Variants in PKHD1 observed in about 807,000 individuals in gnomAD.
The protein encoded by PKHD1 is PKHD1 ciliary IPT domain containing fibrocystin/polyductin.
Under a neutral mutation model 412.0 loss-of-function variants are expected in PKHD1, and 291 were observed. The ratio of observed to expected loss-of-function variants is 0.71; its 90% CI spans 0.64 to 0.78. The LOEUF (loss-of-function observed/expected upper bound fraction) is 0.78, where lower values mean the gene tolerates loss of function less well. PKHD1 is among the 30% of genes least tolerant of loss of function. The pLI is 0.00. For synonymous variants in PKHD1, 1,777 were observed against 1,821.5 expected (o/e 0.98, Z 0.62); for missense variants, 4,825 against 4,950.7 (o/e 0.97, Z 0.76).
At chr6:51,891,382 C>T (rs920747200) in intron 43 of PKHD1, among the ~76,000 whole-genome samples, 1 of 152,054 alleles carries the variant, frequency 6.6e-6, no homozygotes, top group Non-Finnish European at 1.5e-5. Flanking sequence ...CGGATTCAAG[C>T]GATTCTCCTG....
intron 60 of PKHD1, among the ~76,000 whole-genome samples, chr6:51,709,835 T>C (rs1044476214): frequency 6.8e-6 from 1 of 146,402 alleles, no homozygotes; most frequent in African/African-American, 2.6e-5. Context: ...GTACCTGACA[T>C]CTATGCTTTA....
intron 28 of PKHD1, among the ~76,000 whole-genome samples, chr6:52,034,984 G>A (rs1163598072): frequency 6.6e-6 from 1 of 152,106 alleles, no homozygotes; most frequent in Non-Finnish European, 1.5e-5. Context: ...AAAGTTCAGT[G>A]GCAGCAGTGC....
At chr6:51,832,161 G>C (rs141777220) in intron 51 of PKHD1, among the ~76,000 whole-genome samples, 2 of 152,064 alleles carry the variant, frequency 1.3e-5, no homozygotes, top group Admixed American at 1.3e-4. Context: ...TCAGTATTAG[G>C]AGGATAAAAA....
In PKHD1 at chr6:52,025,271, A is replaced by G. The variant is rs2128143441; in HGVS notation, c.4539T>C (p.Ala1513=). The G allele has an allele frequency of 1.2e-6, 2 of 1,614,078 alleles. No individual in the cohort carries two copies. Among genetic ancestry groups the G allele is most frequent in the South Asian group, 2.2e-5 (2 of 91,082 alleles). The stretch of plus-strand genomic sequence containing the variant: ...CATCCACAAATACCATCGGCTCATC[A>G]GCTGTGGTGGCTAACCTCTGACCCC... ...LIRGQRLATT[A]DEPMVFVDDQ... Residue 1513 remains alanine, a synonymous_variant, in exon 32 of 67, where the codon GCT becomes GCC. Transcript: ENST00000371117.
intron 43 of PKHD1, among the ~76,000 whole-genome samples, chr6:51,899,366 G>C (rs184426872): frequency 1.4e-4 from 21 of 151,644 alleles, no homozygotes; most frequent in African/African-American, 4.6e-4. Flanking sequence ...TTCAATATAC[G>C]CAAATCAATA....
intron 60 of PKHD1, among the ~76,000 whole-genome samples, chr6:51,714,065 C>T (rs766658296): frequency 4.7e-4 from 72 of 151,958 alleles, no homozygotes; most frequent in Admixed American, 1.5e-3. Context: ...ATGAAGAATT[C>T]ATAACACATT....
rs564875588 is a variant in PKHD1 at position 51,733,607 on chromosome 6, C to T, written c.10156+10778G>A. Among the ~76,000 whole-genome samples, 16 of 151,508 alleles carry T rather than the reference C, an allele frequency of 1.1e-4. No individual in the cohort carries two copies. In the South Asian group the frequency reaches 2.5e-3, roughly 24 times the overall value. On this transcript the variant is annotated intron_variant, in intron 60 of 66. Coordinates refer to ENST00000371117, the MANE Select transcript of PKHD1 (RefSeq NM_138694.4). ...ATTTTACCACAATAAAAACATAAGC[C>T]AGTCTAAAAAGTGAAGAACTAAAAA... is the stretch of plus-strand genomic sequence containing the variant.
intron 52 of PKHD1, among the ~76,000 whole-genome samples, chr6:51,817,088 G>A (rs531812381): frequency 6.6e-6 from 1 of 152,236 alleles, no homozygotes; most frequent in African/African-American, 2.4e-5. Context: ...GATAGCCTTG[G>A]CCCCAGAAGT....
chr6:51,763,341 A>G (rs1318095802), intron 55 of PKHD1, among the ~76,000 whole-genome samples: 4 of 152,112 alleles, frequency 2.6e-5, no homozygotes, highest in Admixed American at 1.3e-4. Context: ...AACCAAATAA[A>G]TGGTAGCTAG....
chr6:51,763,552 T>C (rs529444559), intron 55 of PKHD1, among the ~76,000 whole-genome samples: 1 of 152,252 alleles, frequency 6.6e-6, no homozygotes, highest in East Asian at 1.9e-4. Flanking sequence ...ACTTCACAAA[T>C]CCTTTTGAAT....
chr6:51,746,468 TG>T (rs1211756862), intron 59 of PKHD1, among the ~76,000 whole-genome samples: 1 of 152,158 alleles, frequency 6.6e-6, no homozygotes, highest in Non-Finnish European at 1.5e-5. Flanking sequence ...GAAAATCACA[TG>T]GCTGAGTCCA....
intron 60 of PKHD1, among the ~76,000 whole-genome samples, chr6:51,671,764 A>G (rs1775027564): frequency 6.6e-6 from 1 of 151,860 alleles, no homozygotes; most frequent in Non-Finnish European, 1.5e-5. Context: ...TTTCCTTCTA[A>G]CAGACAGGAC....
intron 60 of PKHD1, among the ~76,000 whole-genome samples, chr6:51,744,132 T>G (rs1363472042): frequency 6.6e-6 from 1 of 152,234 alleles, no homozygotes. Context: ...GTGCACTAAG[T>G]TGGGCATTGA....
At chr6:51,911,451 G>T (rs1782927029) in intron 39 of PKHD1, among the ~76,000 whole-genome samples, 1 of 152,222 alleles carries the variant, frequency 6.6e-6, no homozygotes, top group African/African-American at 2.4e-5. Context: ...TCTGGCATAT[G>T]GCTTTCCTGA....
intron 42 of PKHD1, 125 bp from the exon 43 acceptor site, chr6:51,903,852 T>C (rs1161939818): frequency 2.4e-6 from 1 of 417,722 alleles, no homozygotes; most frequent in Non-Finnish European, 4.1e-6. Flanking sequence ...TATATATATA[T>C]ATATATATTT....
chr6:51,748,557 A>G lies in PKHD1; in HGVS notation c.9059T>C (p.Leu3020Pro), dbSNP rs757148837. The change falls in exon 58 of 67, where the codon CTG becomes CCG. Residue 3020 changes from leucine (L) to proline (P), a missense_variant. Physicochemically the swap from Leu to Pro is moderately conservative, Grantham distance 98 (BLOSUM62 -3). Coordinates refer to ENST00000371117, the MANE Select transcript of PKHD1 (RefSeq NM_138694.4). ...AATGCCCCCGCCACAGCTCTGGTGC[A>G]GAGTAGATGATATGATCCAGGATCC... is the stretch of plus-strand genomic sequence containing the variant. Reference protein sequence around the residue: ...SAGSWIISSTLHQSCGGGIHA... With the variant: ...SAGSWIISSTPHQSCGGGIHA... 6 of 1,613,560 alleles carry G rather than the reference A, an allele frequency of 3.7e-6. No homozygotes were observed. In the East Asian group the frequency reaches 1.3e-4, roughly 36 times the overall value.
intron 35 of PKHD1, among the ~76,000 whole-genome samples, chr6:51,988,089 A>T (rs755274324): frequency 6.6e-6 from 1 of 152,166 alleles, no homozygotes; most frequent in Non-Finnish European, 1.5e-5. Context: ...TTAAACTAAA[A>T]CAAGGAAAAG....
chr6:51,731,143 C>T (rs145270289), intron 60 of PKHD1, among the ~76,000 whole-genome samples: 124 of 152,180 alleles, frequency 8.1e-4, no homozygotes, highest in African/African-American at 2.6e-3. Flanking sequence ...AGCAGCAACG[C>T]AGGGTTACTC....
At chr6:51,631,111 G>A (rs1229692956) in intron 65 of PKHD1, among the ~76,000 whole-genome samples, 2 of 152,134 alleles carry the variant, frequency 1.3e-5, no homozygotes, top group African/African-American at 4.8e-5. Context: ...AGACCTTAGG[G>A]AGAGACCCCT....
Sources: allele counts gnomAD v4.1 joint callset (sites outside exome capture counted in the v4.1 genomes callset), GRCh38; gene constraint gnomAD v4.1.1; transcripts MANE v1.5; gene names NCBI Gene and HGNC (gene_info 2026-07-23, HGNC 2026-07-21).